GALNT17: variants seen among roughly 807,000 people sequenced by gnomAD.
The protein encoded by GALNT17 is polypeptide N-acetylgalactosaminyltransferase 17, also known as UDP-GalNAc:polypeptide N-acetylgalactosaminyltransferase-like 3.
Under a neutral mutation model 63.7 loss-of-function variants are expected in GALNT17, and 29 were observed. The observed-to-expected ratio is 0.46, with a 90% CI of 0.34 to 0.62. The LOEUF (loss-of-function observed/expected upper bound fraction) is 0.62, where lower values mean the gene tolerates loss of function less well. Ranked by LOEUF, GALNT17 falls within the 20% of genes least tolerant of loss-of-function variation. The pLI is 0.01. For missense variants in GALNT17, 603 were observed against 799.6 expected (o/e 0.75, Z 2.97); for synonymous variants, 305 against 318.3 (o/e 0.96, Z 0.45).
chr7:71,230,895 A>T (rs373584578), intron 1 of GALNT17, among the ~76,000 whole-genome samples: 38 of 152,080 alleles, frequency 2.5e-4, no homozygotes, highest in African/African-American at 8.5e-4. Context: ...AATGTGTTAG[A>T]GTTGTAAAGT....
At chr7:71,559,227 C>T (rs375192896) in intron 5 of GALNT17, among the ~76,000 whole-genome samples, 1 of 152,004 alleles carries the variant, frequency 6.6e-6, no homozygotes, top group East Asian at 1.9e-4. Flanking sequence ...CATTAAATTA[C>T]CGTAATGTGC....
At chr7:71,167,498 C>T (rs1394059094) in intron 1 of GALNT17, among the ~76,000 whole-genome samples, 1 of 151,898 alleles carries the variant, frequency 6.6e-6, no homozygotes, top group Admixed American at 6.6e-5. Context: ...GAGGAAGTAC[C>T]TTATCAGATA....
At chr7:71,587,122 G>T (rs954055374) in intron 6 of GALNT17, among the ~76,000 whole-genome samples, 1 of 152,026 alleles carries the variant, frequency 6.6e-6, no homozygotes, top group Non-Finnish European at 1.5e-5. Flanking sequence ...CTGCCTCCTG[G>T]GTTCAAGCGA....
chr7:71,258,460 T>C (rs10950252), intron 1 of GALNT17, among the ~76,000 whole-genome samples: 8,272 of 152,284 alleles, frequency 0.054, 309 homozygotes, highest in East Asian at 0.17. Flanking sequence ...GCAACAAATA[T>C]GGCACCTTTT....
intron 5 of GALNT17, among the ~76,000 whole-genome samples, chr7:71,435,600 C>T (rs1330061415): frequency 1.3e-5 from 2 of 152,084 alleles, no homozygotes; most frequent in Admixed American, 6.6e-5. Context: ...ATCTGATCTT[C>T]GGGCCCCCAC....
chr7:71,342,614 A>G (rs542345447), intron 2 of GALNT17, among the ~76,000 whole-genome samples: 1 of 152,362 alleles, frequency 6.6e-6, no homozygotes, highest in East Asian at 1.9e-4. Context: ...AATATATTGT[A>G]GTCATAAAAA....
intron 1 of GALNT17, among the ~76,000 whole-genome samples, chr7:71,146,334 A>C (rs73361706): frequency 0.019 from 2,832 of 151,776 alleles, 94 homozygotes; most frequent in African/African-American, 0.065. Flanking sequence ...GGGTCCTCTC[A>C]CTCCTTCTGG....
intron 1 of GALNT17, among the ~76,000 whole-genome samples, chr7:71,179,045 C>A (rs2116308472): frequency 6.6e-6 from 1 of 152,236 alleles, no homozygotes; most frequent in Non-Finnish European, 1.5e-5. Flanking sequence ...TGGGCTCAGA[C>A]TTCAAACTTG....
intron 1 of GALNT17, among the ~76,000 whole-genome samples, chr7:71,290,941 G>T (rs1790968279): frequency 6.6e-6 from 1 of 152,174 alleles, no homozygotes; most frequent in South Asian, 2.1e-4. Context: ...CCTTCTCCGA[G>T]CCTTGGTTTC....
intron 1 of GALNT17, among the ~76,000 whole-genome samples, chr7:71,246,401 G>T (rs549109603): frequency 2.2e-4 from 33 of 151,822 alleles, no homozygotes; most frequent in Non-Finnish European, 4.3e-4. Context: ...GGGATTACAG[G>T]TGTGAGCCAC....
At position 71,553,873 on chromosome 7, in the gene GALNT17, G is replaced by A; in HGVS notation, c.963-17412G>A. Among the ~76,000 whole-genome samples the A allele has an allele frequency of 2.0e-5, 3 of 152,310 alleles. No homozygotes were observed. In the Middle Eastern group the frequency reaches 0.01, roughly 518 times the overall value. On this transcript the variant is annotated intron_variant, in intron 5 of 10. Transcript: ENST00000333538. ...TAAGGGTCGCTCTTCCCCCTTGAAA[G>A]TTCTCCCTCTCCCAGCTTTCCTCTT...
At chr7:71,637,518 C>G (rs1790545335) in intron 6 of GALNT17, among the ~76,000 whole-genome samples, 1 of 150,302 alleles carries the variant, frequency 6.7e-6, no homozygotes, top group Admixed American at 6.6e-5. Context: ...CATCAAGTAG[C>G]CTGAGGGCTT....
At chr7:71,595,660 G>GACACACACACACAC (rs61389262) in intron 6 of GALNT17, among the ~76,000 whole-genome samples, 10 of 142,694 alleles carry the variant, frequency 7.0e-5, no homozygotes, top group Admixed American at 2.8e-4. Flanking sequence ...GAGAGACTGA[G>GACACACACACACAC]ACACACACAC....
intron 5 of GALNT17, among the ~76,000 whole-genome samples, chr7:71,537,157 G>A (rs1015647454): frequency 6.6e-6 from 1 of 152,144 alleles, no homozygotes; most frequent in Non-Finnish European, 1.5e-5. Context: ...TCGGCTTCAG[G>A]AGCATTGTTT....
chr7:71,573,325 A>AATTT lies in GALNT17; in HGVS notation c.1080+1940_1080+1943dup, dbSNP rs1193909647. ...ATGCCTGGCCTTTAATTAATTAATTAATTTATTTATTTATTTATTTTTTGA... is the reference window on the plus strand; with the variant it reads ...ATGCCTGGCCTTTAATTAATTAATTAATTTATTTATTTATTTATTTATTTTTTGA... On this transcript the variant is annotated intron_variant, in intron 6 of 10. Coordinates refer to ENST00000333538, the MANE Select transcript of GALNT17 (RefSeq NM_022479.3). Among the ~76,000 whole-genome samples, 6 of 144,728 alleles carry AATTT rather than the reference A, an allele frequency of 4.1e-5. No homozygotes were observed. In the East Asian group the frequency reaches 6.4e-4, roughly 15 times the overall value. The allele number at this position is 144,728 out of a possible 152,430, so 94.9% of individuals were successfully genotyped here. A position where few individuals can be genotyped will look rare whatever the true frequency, so the allele number is the denominator to read the frequency against.
At chr7:71,360,635 A>C (rs369838883) in intron 2 of GALNT17, among the ~76,000 whole-genome samples, 59 of 152,334 alleles carry the variant, frequency 3.9e-4, no homozygotes, top group African/African-American at 1.3e-3. Flanking sequence ...AGATGTTTTT[A>C]AAACTTTCTG....
At chr7:71,699,467 C>T (rs1437340599) in intron 9 of GALNT17, among the ~76,000 whole-genome samples, 4 of 139,002 alleles carry the variant, frequency 2.9e-5, no homozygotes, top group Admixed American at 7.3e-5. Context: ...CAGAGTGAGA[C>T]TCTGTCTCAA....
intron 3 of GALNT17, among the ~76,000 whole-genome samples, chr7:71,406,518 G>GAT (rs1353126744): frequency 6.6e-6 from 1 of 152,112 alleles, no homozygotes; most frequent in Non-Finnish European, 1.5e-5. Flanking sequence ...CCATTGGACA[G>GAT]ATAAGAAACC....
At chr7:71,337,901 C>A (rs71549400) in intron 2 of GALNT17, among the ~76,000 whole-genome samples, 9,264 of 151,758 alleles carry the variant, frequency 0.061, 299 homozygotes, top group Non-Finnish European at 0.083. Context: ...ACAACAACAA[C>A]AAAAAAACTT....
Sources: gnomAD v4.1 joint callset for allele counts (sites outside exome capture counted in the v4.1 genomes callset) on GRCh38, gnomAD v4.1.1 for gene constraint, MANE v1.5 for transcripts, NCBI Gene and HGNC (gene_info 2026-07-23, HGNC 2026-07-21) for gene names.